C8orf88: variants seen among roughly 807,000 people sequenced by gnomAD.
The protein encoded by C8orf88 is uncharacterized protein C8orf88.
A neutral mutation model predicts 18.4 loss-of-function variants in C8orf88; 14 were observed. The ratio of observed to expected loss-of-function variants is 0.76; its 90% CI spans 0.50 to 1.19. C8orf88 has a LOEUF of 1.19. C8orf88 is among the 50% of genes most tolerant of loss of function. C8orf88 has a pLI of 0.00. For synonymous variants in C8orf88, 45 were observed against 42.9 expected (o/e 1.05, Z -0.19); for missense variants, 116 against 134.7 (o/e 0.86, Z 0.69).
At position 90,980,489 on chromosome 8, in the gene C8orf88, C is replaced by G. The variant is rs371334988; in HGVS notation, c.-26-28G>C. ...AGAAGACAAAAAAATACATTTTTAT[C>G]TTTTGGACAAAATAATCAAGATGCT... On this transcript the variant is annotated intron_variant, in intron 1 of 5. Transcript: ENST00000517562. 7.8e-5 allele frequency: 81 copies of G among 1,037,600 alleles called. 1 individual carries two copies. The African/African-American group carries it at 1.2e-3, about 15-fold the overall frequency. The allele number at this position is 1,037,600 out of a possible 1,614,324, so 64.3% of individuals were successfully genotyped here. A position where few individuals can be genotyped will look rare whatever the true frequency, so the allele number is the denominator to read the frequency against.
intron 3 of C8orf88, among the ~76,000 whole-genome samples, chr8:90,972,091 T>C (rs1269658133): frequency 6.6e-6 from 1 of 152,076 alleles, no homozygotes; most frequent in African/African-American, 2.4e-5. Context: ...ACATCTATCC[T>C]TAAAAATAAA....
At chr8:90,966,467 A>G (rs1226828508) in intron 4 of C8orf88, among the ~76,000 whole-genome samples, 3 of 148,952 alleles carry the variant, frequency 2.0e-5, no homozygotes, top group Non-Finnish European at 4.5e-5. Context: ...ACTAACCTGA[A>G]CATTGTGCAC....
intron 1 of C8orf88, among the ~76,000 whole-genome samples, chr8:90,982,916 C>T (rs1425255281): frequency 1.3e-5 from 2 of 151,974 alleles, no homozygotes; most frequent in African/African-American, 4.8e-5. Context: ...AACTGAGTCA[C>T]GAGATTATAA....
chr8:90,971,136 C>G lies in C8orf88; in HGVS notation c.153G>C (p.Lys51Asn), dbSNP rs1383604431. 3.3e-6 allele frequency: 5 copies of G among 1,502,820 alleles called. No homozygotes were observed. The highest frequency in any genetic ancestry group is 4.4e-6 in the Non-Finnish European group (5 of 1,128,570). 93.1% of individuals were successfully genotyped at this position (1,502,820 alleles called of 1,614,324 possible). Reference protein sequence around the residue: ...QCIQSGVSRCKTNGMQAFSQG... With the variant: ...QCIQSGVSRCNTNGMQAFSQG... ...GAGAAAAGGCTTGCATTCCATTCGT[C>G]TTACACTGTTAAACATGAAGAAAAT... Residue 51 changes from lysine (K) to asparagine (N), a missense_variant, in exon 4 of 6, where the codon AAG (lysine) becomes AAC (asparagine). By Grantham distance (94) the Lys-to-Asn change is moderately conservative (BLOSUM62 0). Transcript: ENST00000517562.
intron 4 of C8orf88, 59 bp downstream of exon 4, chr8:90,971,007 A>G: frequency 1.0e-6 from 1 of 1,002,696 alleles, no homozygotes; most frequent in South Asian, 1.6e-5. Context: ...AGTAATATTA[A>G]CTTTATATGA....
At chr8:90,968,030 T>C (rs1349838682) in intron 4 of C8orf88, among the ~76,000 whole-genome samples, 1 of 151,792 alleles carries the variant, frequency 6.6e-6, no homozygotes. Context: ...GCTATCCCTA[T>C]CAAATTTCTA....
intron 1 of C8orf88, among the ~76,000 whole-genome samples, chr8:90,981,645 A>T (rs558661182): frequency 6.6e-6 from 1 of 152,278 alleles, no homozygotes; most frequent in African/African-American, 2.4e-5. Context: ...AATATATTAC[A>T]TGTCTACTTA....
In C8orf88 at chr8:90,958,532, C is replaced by A. The variant is rs560416657; in HGVS notation, c.*475G>T. ...ATTGAACATTCTGAATCATTCTAAG[C>A]CTCTGGAGAGACTGTAATGATCCAT... On this transcript the variant is annotated 3_prime_UTR_variant, in exon 6 of 6. Transcript: ENST00000517562. 6.1e-4 allele frequency: 95 copies of A among 154,580 alleles called. 5 individuals are homozygous for A. In the South Asian group the frequency reaches 0.018, roughly 29 times the overall value. The allele number at this position is 154,580 out of a possible 1,614,324, so 9.6% of individuals were successfully genotyped here.
chr8:90,966,750 T>C (rs768017100), intron 4 of C8orf88, among the ~76,000 whole-genome samples: 10 of 151,868 alleles, frequency 6.6e-5, no homozygotes, highest in Admixed American at 1.3e-4. Context: ...GGATCTTCTA[T>C]ATACACAGAT....
At chr8:90,982,109 C>T (rs1046564341) in intron 1 of C8orf88, among the ~76,000 whole-genome samples, 1 of 152,036 alleles carries the variant, frequency 6.6e-6, no homozygotes, top group Non-Finnish European at 1.5e-5. Flanking sequence ...GATAACCCAG[C>T]AAGTACTTCA....
At chr8:90,966,966 A>G (rs1055281283) in intron 4 of C8orf88, among the ~76,000 whole-genome samples, 1 of 151,904 alleles carries the variant, frequency 6.6e-6, no homozygotes, top group Admixed American at 6.6e-5. Context: ...CTAATTGGGG[A>G]ACATCTGTAT....
At chr8:90,980,526 C>T in intron 1 of C8orf88, 65 bp from the exon 2 acceptor site, 1 of 596,228 alleles carries the variant, frequency 1.7e-6, no homozygotes, top group East Asian at 3.1e-5. Flanking sequence ...TACATGTATA[C>T]AAATAACTAC....
intron 4 of C8orf88, among the ~76,000 whole-genome samples, chr8:90,964,270 AAGAC>A (rs1343134496): frequency 6.6e-6 from 1 of 151,708 alleles, no homozygotes; most frequent in Non-Finnish European, 1.5e-5. Context: ...TGAGGTCAGA[AAGAC>A]AGTAGCAATT....
intron 3 of C8orf88, among the ~76,000 whole-genome samples, chr8:90,973,217 G>A (rs921374160): frequency 3.3e-5 from 5 of 152,154 alleles, no homozygotes; most frequent in African/African-American, 1.2e-4. Context: ...GCCAGGAAAG[G>A]CTTTACATAG....
chr8:90,972,291 G>A (rs1811293901), intron 3 of C8orf88, among the ~76,000 whole-genome samples: 1 of 151,762 alleles, frequency 6.6e-6, no homozygotes, highest in Non-Finnish European at 1.5e-5. Flanking sequence ...AATGTAAAAA[G>A]AAATCAAGTT....
chr8:90,979,704 C>T (rs1002074228), intron 2 of C8orf88, among the ~76,000 whole-genome samples: 3 of 152,086 alleles, frequency 2.0e-5, no homozygotes, highest in African/African-American at 7.2e-5. Context: ...TGTGTATCAC[C>T]TAAAGTAGAC....
intron 1 of C8orf88, among the ~76,000 whole-genome samples, chr8:90,981,069 T>C (rs1811429415): frequency 6.6e-6 from 1 of 152,212 alleles, no homozygotes; most frequent in African/African-American, 2.4e-5. Flanking sequence ...TGCCCTAATT[T>C]ATACTTCCAG....
intron 4 of C8orf88, among the ~76,000 whole-genome samples, chr8:90,970,694 A>T (rs1157868402): frequency 6.6e-6 from 1 of 152,034 alleles, no homozygotes; most frequent in East Asian, 1.9e-4. Flanking sequence ...CTACACAGGA[A>T]CATGATGGCA....
intron 3 of C8orf88, among the ~76,000 whole-genome samples, chr8:90,976,150 A>G (rs1811346955): frequency 6.6e-6 from 1 of 152,050 alleles, no homozygotes; most frequent in South Asian, 2.1e-4. Context: ...GTAAGTGGTA[A>G]ATTATTGCAA....
Sources: gnomAD v4.1 joint callset for allele counts (sites outside exome capture counted in the v4.1 genomes callset) on GRCh38, gnomAD v4.1.1 for gene constraint, MANE v1.5 for transcripts, NCBI Gene and HGNC (gene_info 2026-07-23, HGNC 2026-07-21) for gene names.